Variants in DOCK1 observed in about 807,000 individuals in gnomAD.
The protein encoded by DOCK1 is dedicator of cytokinesis 1, also known as dedicator of cytokinesis protein 1.
Under a neutral mutation model 262.7 loss-of-function variants are expected in DOCK1, and 138 were observed. The observed-to-expected ratio is 0.53, with a 90% CI of 0.46 to 0.61. The LOEUF is 0.61. Among genes scored for constraint, DOCK1 ranks in the 20% least tolerant of loss-of-function variants. DOCK1 has a pLI of 0.00. For missense variants in DOCK1, 1,908 were observed against 2,370.7 expected, an observed-to-expected ratio of 0.80 and a Z score of 4.05; for synonymous variants, 866 against 867.4, an observed-to-expected ratio of 1.00 and a Z score of 0.03.
intron 38 of DOCK1, among the ~76,000 whole-genome samples, chr10:127,396,326 C>T (rs1280702983): frequency 1.3e-5 from 2 of 152,204 alleles, no homozygotes; most frequent in African/African-American, 4.8e-5. Flanking sequence ...TCCCCCTATC[C>T]CAGGACATCT....
chr10:127,218,524 C>T (rs1463035727), intron 27 of DOCK1, among the ~76,000 whole-genome samples: 1 of 152,212 alleles, frequency 6.6e-6, no homozygotes, highest in Non-Finnish European at 1.5e-5. Flanking sequence ...TGATTATCAA[C>T]CTTTTCTCAC....
In DOCK1 at chr10:126,951,258, T is replaced by C. The variant is rs1372457294; in HGVS notation, c.47-19444T>C. ...GTAGTATTGTTGGTAATATTAGTGA[T>C]AGTGGTGGTGGTAGTATTGTTGGTA... On this transcript the variant is annotated intron_variant, in intron 1 of 51. Transcript: ENST00000623213. Among the ~76,000 whole-genome samples, 6 of 151,530 alleles carry C rather than the reference T, an allele frequency of 4.0e-5. No homozygotes were observed. In the East Asian group the frequency reaches 9.7e-4, roughly 24 times the overall value.
chr10:127,142,864 A>G (rs777228561), intron 27 of DOCK1, among the ~76,000 whole-genome samples: 10 of 152,196 alleles, frequency 6.6e-5, no homozygotes, highest in Non-Finnish European at 5.9e-5. Context: ...CCCTTTTCAA[A>G]ATGAAAGTTT....
chr10:127,174,859 T>C (rs1229579207), intron 27 of DOCK1, among the ~76,000 whole-genome samples: 5 of 152,340 alleles, frequency 3.3e-5, no homozygotes, highest in Middle Eastern at 3.4e-3. Context: ...TCTCTTCTTA[T>C]TTAGAATAGA....
At chr10:126,913,422 A>C (rs1445785748) in intron 1 of DOCK1, among the ~76,000 whole-genome samples, 1 of 152,198 alleles carries the variant, frequency 6.6e-6, no homozygotes. Context: ...GCTGTCCCAC[A>C]CAACTCCAGG....
At chr10:127,184,307 A>G (rs541327489) in intron 27 of DOCK1, among the ~76,000 whole-genome samples, 58 of 149,584 alleles carry the variant, frequency 3.9e-4, no homozygotes, top group Non-Finnish European at 1.8e-4. Flanking sequence ...GGCTTGCTCA[A>G]TTCATTCCCC....
At chr10:127,093,250 T>TC (rs1564797804) in intron 23 of DOCK1, among the ~76,000 whole-genome samples, 2 of 136,196 alleles carry the variant, frequency 1.5e-5, no homozygotes, top group East Asian at 2.0e-4. Context: ...TTCTTTTTTT[T>TC]TTTTTTTTTT....
chr10:127,018,951 G>A, intron 13 of DOCK1, 116 bp downstream of exon 13: 1 of 1,455,876 alleles, frequency 6.9e-7, no homozygotes, highest in Non-Finnish European at 9.2e-7. Flanking sequence ...TCAGCTCCTG[G>A]TAGGTGACCC....
intron 29 of DOCK1, among the ~76,000 whole-genome samples, chr10:127,336,535 GTTT>G (rs545546680): frequency 7.3e-6 from 1 of 137,906 alleles, no homozygotes; most frequent in Non-Finnish European, 1.6e-5. Flanking sequence ...GACATACATA[GTTT>G]TTTTTTTTTT....
intron 22 of DOCK1, among the ~76,000 whole-genome samples, chr10:127,058,650 CAT>C (rs2045332335): frequency 6.6e-6 from 1 of 150,992 alleles, no homozygotes; most frequent in South Asian, 2.1e-4. Flanking sequence ...GATTTTTAAA[CAT>C]ATTATTTGAA....
intron 18 of DOCK1, among the ~76,000 whole-genome samples, chr10:127,034,302 GAGAA>G (rs1277312195): frequency 1.3e-4 from 20 of 152,294 alleles, no homozygotes; most frequent in African/African-American, 3.6e-4. Context: ...CAGAGAGAGA[GAGAA>G]AGAGAGAGAG....
chr10:126,941,741 C>T (rs1383478754), intron 1 of DOCK1, among the ~76,000 whole-genome samples: 2 of 151,412 alleles, frequency 1.3e-5, no homozygotes, highest in African/African-American at 2.4e-5. Flanking sequence ...GGCGACAGTG[C>T]GAGACTCCAT....
intron 29 of DOCK1, among the ~76,000 whole-genome samples, chr10:127,316,033 G>GA (rs538050628): frequency 2.3e-4 from 33 of 144,478 alleles, no homozygotes; most frequent in South Asian, 6.6e-4. Flanking sequence ...TCTTTAAAAA[G>GA]AAAAAAAAAA....
At chr10:127,392,357 G>C (rs2066529697) in intron 38 of DOCK1, among the ~76,000 whole-genome samples, 1 of 152,158 alleles carries the variant, frequency 6.6e-6, no homozygotes, top group Non-Finnish European at 1.5e-5. Context: ...TTAAGCTCCT[G>C]AGAGCAGAGG....
At chr10:127,236,957 A>G (rs1278088190) in intron 27 of DOCK1, among the ~76,000 whole-genome samples, 1 of 152,184 alleles carries the variant, frequency 6.6e-6, no homozygotes, top group South Asian at 2.1e-4. Flanking sequence ...TATACAGCAA[A>G]CGTACCCTTG....
chr10:127,198,646 G>A (rs1165789925), intron 27 of DOCK1, among the ~76,000 whole-genome samples: 1 of 152,152 alleles, frequency 6.6e-6, no homozygotes, highest in African/African-American at 2.4e-5. Context: ...AGAGTATAAC[G>A]GAATTCTGTA....
At chr10:127,042,157 G>A (rs1205793438) in intron 19 of DOCK1, among the ~76,000 whole-genome samples, 1 of 152,184 alleles carries the variant, frequency 6.6e-6, no homozygotes, top group African/African-American at 2.4e-5. Flanking sequence ...TCCAGTTTCA[G>A]AATCACGATC....
intron 27 of DOCK1, among the ~76,000 whole-genome samples, chr10:127,241,836 G>A (rs1166697884): frequency 6.6e-6 from 1 of 152,138 alleles, no homozygotes; most frequent in Admixed American, 6.5e-5. Context: ...TGTCCAGAGA[G>A]TAAACATGTG....
At chr10:127,124,806 G>A (rs1449116527) in intron 25 of DOCK1, among the ~76,000 whole-genome samples, 1 of 152,102 alleles carries the variant, frequency 6.6e-6, no homozygotes, top group Non-Finnish European at 1.5e-5. Flanking sequence ...GGCTCACCTT[G>A]GCATAGATGA....
Sources: gnomAD v4.1 joint callset for allele counts (sites outside exome capture counted in the v4.1 genomes callset) on GRCh38, gnomAD v4.1.1 for gene constraint, MANE v1.5 for transcripts, NCBI Gene and HGNC (gene_info 2026-07-23, HGNC 2026-07-21) for gene names.